The following RPS18 variants were observed in gnomAD, a reference collection of about 807,000 sequenced individuals.
RPS18 encodes ribosomal protein S18, also known as small ribosomal subunit protein uS13.
For synonymous variants in RPS18, 64 were observed against 70.9 expected (o/e 0.90, Z 0.49); for missense variants, 49 against 200.8 (o/e 0.24, Z 4.57).
Position 33,272,588 on chromosome 6 carries a change from TTACTG to T in RPS18, c.4-38_4-34del, listed in dbSNP as rs757981195. ...CTTATCGGCCTTACTGTTTGATAGT[TTACTG>T]TGTCTGATTTCTTCCCCCGTACTTT... On this transcript the variant is annotated intron_variant, in intron 1 of 5. Transcript: ENST00000439602. 3 of 893,934 alleles carry T rather than the reference TTACTG, an allele frequency of 3.4e-6. No individual in the cohort carries two copies. In the East Asian group the frequency reaches 7.2e-5, roughly 21 times the overall value. 55.4% of individuals were successfully genotyped at this position (893,934 alleles called of 1,614,324 possible).
chr6:33,273,382 C>T (rs1357825397), intron 2 of RPS18, among the ~76,000 whole-genome samples: 1 of 151,446 alleles, frequency 6.6e-6, no homozygotes, highest in Non-Finnish European at 1.5e-5. Context: ...ACATAACGTT[C>T]TTTTTTTTTC....
At chr6:33,273,711 A>G (rs575160228) in intron 2 of RPS18, among the ~76,000 whole-genome samples, 1 of 152,360 alleles carries the variant, frequency 6.6e-6, no homozygotes, top group African/African-American at 2.4e-5. Context: ...CTAACTAAAA[A>G]TTAGAAATCT....
intron 2 of RPS18, 33 bp from the exon 3 acceptor site, chr6:33,275,764 A>C: frequency 7.3e-7 from 1 of 1,370,394 alleles, no homozygotes. Flanking sequence ...AATCAGATTC[A>C]ACACTAATTC....
At chr6:33,275,696 GATT>G (rs1382701905) in intron 2 of RPS18, 98 bp from the exon 3 acceptor site, 8 of 818,102 alleles carry the variant, frequency 9.8e-6, no homozygotes, top group Middle Eastern at 3.6e-4. Flanking sequence ...TTGCAAAATA[GATT>G]ATTGCAGATC....
intron 2 of RPS18, among the ~76,000 whole-genome samples, chr6:33,274,617 T>C (rs1188632350): frequency 2.0e-5 from 3 of 152,240 alleles, no homozygotes; most frequent in Non-Finnish European, 1.5e-5. Flanking sequence ...ACCTTGCCTC[T>C]TCCTGTCTTC....
At chr6:33,275,408 T>A (rs1765561422) in intron 2 of RPS18, 1 of 213,016 alleles carries the variant, frequency 4.7e-6, no homozygotes, top group Non-Finnish European at 9.6e-6. Flanking sequence ...AACCTCCACC[T>A]CCTAGGTTCA....
intron 4 of RPS18, 25 bp from the exon 5 acceptor site, chr6:33,276,151 C>A: frequency 2.5e-6 from 4 of 1,610,448 alleles, no homozygotes; most frequent in South Asian, 1.1e-5. Context: ...GATAAAACAT[C>A]CCTTGCCCCC....
chr6:33,276,333 T>TC, intron 5 of RPS18, 58 bp from the exon 6 acceptor site: 4 of 1,608,298 alleles, frequency 2.5e-6, no homozygotes, highest in South Asian at 1.1e-5. Flanking sequence ...CTCTTCTTTT[T>TC]CCCCAACCTT....
intron 2 of RPS18, among the ~76,000 whole-genome samples, chr6:33,273,578 G>C (rs1266591259): frequency 6.6e-6 from 1 of 152,088 alleles, no homozygotes; most frequent in Non-Finnish European, 1.5e-5. Context: ...TCCTTCTGTT[G>C]GGTGCTCTGT....
intron 1 of RPS18, 162 bp downstream of exon 1, chr6:33,272,284 G>C (rs1416361547): frequency 1.2e-6 from 1 of 822,858 alleles, no homozygotes; most frequent in African/African-American, 1.7e-5. Context: ...TCCAATTCCG[G>C]AGAGCGGGCC....
At chr6:33,273,974 C>G (rs1765465110) in intron 2 of RPS18, among the ~76,000 whole-genome samples, 1 of 152,118 alleles carries the variant, frequency 6.6e-6, no homozygotes, top group Admixed American at 6.5e-5. Flanking sequence ...TTTATTTATC[C>G]CGAGACAGAG....
chr6:33,272,327 C>T (rs760222058), intron 1 of RPS18: 4 of 636,994 alleles, frequency 6.3e-6, no homozygotes, highest in Non-Finnish European at 8.2e-6. Context: ...CGCACGAAAG[C>T]TGTCTAAGGC....
chr6:33,272,231 A>G (rs767800534), intron 1 of RPS18, 109 bp downstream of exon 1: 9 of 1,258,094 alleles, frequency 7.2e-6, no homozygotes, highest in South Asian at 1.3e-5. Context: ...GACTTTCTGT[A>G]TGGAGCCTTG....
chr6:33,276,126 C>T (rs1302194341), intron 4 of RPS18, 50 bp from the exon 5 acceptor site: 17 of 1,604,552 alleles, frequency 1.1e-5, no homozygotes, highest in Non-Finnish European at 1.5e-5. Context: ...CAGAATTGGG[C>T]ATAGGAGGTC....
At position 33,272,736 on chromosome 6, in the gene RPS18, G is replaced by T. The variant is rs767316372; in HGVS notation, c.102+10G>T. 1 of 1,315,370 alleles carries T rather than the reference G, an allele frequency of 7.6e-7. No individual in the cohort carries two copies. Among genetic ancestry groups the T allele is most frequent in the Non-Finnish European group, 1.1e-6 (1 of 906,806 alleles). The allele number at this position is 1,315,370 out of a possible 1,614,324, so 81.5% of individuals were successfully genotyped here. On this transcript the variant is annotated intron_variant, in intron 2 of 5. Coordinates refer to ENST00000439602, the MANE Select transcript of RPS18 (RefSeq NM_022551.3). ...CATCACTGCCATTAAGGTAAGTGAA[G>T]TAGGGTAAGGAATAGGGAATGTAAA...
intron 2 of RPS18, 96 bp downstream of exon 2, chr6:33,272,822 C>T (rs1765322777): frequency 2.6e-6 from 2 of 757,650 alleles, no homozygotes; most frequent in Non-Finnish European, 4.9e-6. Flanking sequence ...ACTTGAGTCT[C>T]ATCCAGATCA....
rs72654478 is a variant in RPS18 at position 33,275,599 on chromosome 6, G to A, written c.103-198G>A. The A allele has an allele frequency of 3.3e-3, 2,015 of 612,438 alleles. 34 individuals carry two copies. Among genetic ancestry groups the A allele is most frequent in the African/African-American group, 0.027 (1,465 of 54,126 alleles). 37.9% of individuals were successfully genotyped at this position (612,438 alleles called of 1,614,324 possible). A position where few individuals can be genotyped will look rare whatever the true frequency, so the allele number is the denominator to read the frequency against. ...CTCCCAAAGTGCTGGGATTACAGGC[G>A]TGAGCCACTGCGACCGGCCCAAAGT... On this transcript the variant is annotated intron_variant, in intron 2 of 5. Transcript: ENST00000439602.
rs1269185431 is a variant in RPS18 at position 33,272,109 on chromosome 6, G to T, written c.-11G>T. ...ACAGGAGGCCTACACGCCGCCGCTTGTGCTGCAGCCATGGTAAGACTGGAA... is the reference window on the plus strand; with the variant it reads ...ACAGGAGGCCTACACGCCGCCGCTTTTGCTGCAGCCATGGTAAGACTGGAA... On this transcript the variant is annotated 5_prime_UTR_variant, in exon 1 of 6. Coordinates refer to ENST00000439602, the MANE Select transcript of RPS18 (RefSeq NM_022551.3). 2.6e-6 allele frequency: 4 copies of T among 1,568,128 alleles called. No homozygotes were observed. The highest frequency in any genetic ancestry group is 1.7e-4 in the Middle Eastern group (1 of 6,010).
intron 2 of RPS18, among the ~76,000 whole-genome samples, chr6:33,273,818 G>A (rs965205903): frequency 1.3e-5 from 2 of 152,068 alleles, no homozygotes; most frequent in Non-Finnish European, 2.9e-5. Context: ...TGGCTCACTC[G>A]GAGGCTGAAG....
Sources: gnomAD v4.1 joint callset for allele counts (sites outside exome capture counted in the v4.1 genomes callset) on GRCh38, gnomAD v4.1.1 for gene constraint, MANE v1.5 for transcripts, NCBI Gene and HGNC (gene_info 2026-07-23, HGNC 2026-07-21) for gene names.